The following ACAP2 variants were observed in gnomAD, a reference collection of about 807,000 sequenced individuals.
The protein encoded by ACAP2 is ArfGAP with coiled-coil, ankyrin repeat and PH domains 2.
Under a neutral mutation model 115.8 loss-of-function variants are expected in ACAP2, and 39 were observed. The observed-to-expected ratio is 0.34, with a 90% CI of 0.26 to 0.44. The LOEUF (loss-of-function observed/expected upper bound fraction) is 0.44, where lower values mean the gene tolerates loss of function less well. ACAP2 is among the 20% of genes least tolerant of loss of function. The pLI is 1.00. For synonymous variants in ACAP2, 289 were observed against 315.8 expected, an observed-to-expected ratio of 0.92 and a Z score of 0.90; for missense variants, 662 against 927.6, an observed-to-expected ratio of 0.71 and a Z score of 3.72.
At chr3:195,363,869 G>A (rs1173989418) in intron 4 of ACAP2, among the ~76,000 whole-genome samples, 1 of 152,148 alleles carries the variant, frequency 6.6e-6, no homozygotes, top group Non-Finnish European at 1.5e-5. Context: ...AACAGGGAAA[G>A]GGCAGTCTGT....
chr3:195,306,488 G>A (rs1728429146), intron 13 of ACAP2, 23 bp downstream of exon 13: 1 of 1,503,898 alleles, frequency 6.6e-7, no homozygotes, highest in Non-Finnish European at 9.1e-7. Flanking sequence ...ATATTATCTG[G>A]TATTGCTAAT....
chr3:195,287,706 C>A (rs1195991858), intron 21 of ACAP2, among the ~76,000 whole-genome samples: 3 of 152,154 alleles, frequency 2.0e-5, no homozygotes. Context: ...ATGCAACTAT[C>A]CTGCCTACAG....
chr3:195,425,136 T>G (rs1183129594), intron 1 of ACAP2, among the ~76,000 whole-genome samples: 5 of 151,522 alleles, frequency 3.3e-5, no homozygotes, highest in Non-Finnish European at 5.9e-5. Context: ...TAGTTAAGTG[T>G]GTCAAAATGT....
intron 2 of ACAP2, among the ~76,000 whole-genome samples, chr3:195,383,960 T>C (rs751152411): frequency 5.3e-5 from 8 of 152,172 alleles, no homozygotes; most frequent in Non-Finnish European, 1.2e-4. Context: ...ATGAAAAAGT[T>C]TGATAACATG....
chr3:195,424,239 T>TG (rs1338377450), intron 1 of ACAP2, among the ~76,000 whole-genome samples: 90 of 101,290 alleles, frequency 8.9e-4, no homozygotes, highest in East Asian at 7.1e-3. Flanking sequence ...TGTGTGTGTG[T>TG]GTGTGGTGTG....
intron 1 of ACAP2, among the ~76,000 whole-genome samples, chr3:195,440,401 C>G (rs1188855200): frequency 6.6e-6 from 1 of 152,176 alleles, no homozygotes; most frequent in African/African-American, 2.4e-5. Flanking sequence ...AAAGCTTGAA[C>G]AGTGGTGAAA....
At chr3:195,331,022 G>T (rs889231858) in intron 8 of ACAP2, among the ~76,000 whole-genome samples, 3 of 152,132 alleles carry the variant, frequency 2.0e-5, no homozygotes, top group Non-Finnish European at 4.4e-5. Context: ...TTACATAAGA[G>T]AAATAAAACT....
intron 13 of ACAP2, among the ~76,000 whole-genome samples, chr3:195,305,073 T>A (rs1728334342): frequency 6.6e-6 from 1 of 152,140 alleles, no homozygotes; most frequent in South Asian, 2.1e-4. Context: ...ATGGTTAAGA[T>A]CCACAGCTCT....
chr3:195,286,851 T>C lies in ACAP2; in HGVS notation c.2175-994A>G, dbSNP rs73206672. On this transcript the variant is annotated intron_variant, in intron 21 of 22. Transcript: ENST00000326793. Reference sequence around the variant, plus strand: ...GGAAGGGTCCACTGCTATATAGGTATTGCCTGGGAAGCTGCCTGCAGAGCT... The same window carrying C: ...GGAAGGGTCCACTGCTATATAGGTACTGCCTGGGAAGCTGCCTGCAGAGCT... Among the ~76,000 whole-genome samples the C allele has an allele frequency of 5.2e-3, 794 of 152,370 alleles. 8 individuals are homozygous for C. The highest frequency in any genetic ancestry group is 0.019 in the South Asian group (91 of 4,832).
At chr3:195,331,730 A>T (rs1396069661) in intron 8 of ACAP2, among the ~76,000 whole-genome samples, 3 of 152,222 alleles carry the variant, frequency 2.0e-5, no homozygotes, top group Non-Finnish European at 4.4e-5. Context: ...TCAATAAAAA[A>T]CAATGTCCCC....
intron 18 of ACAP2, among the ~76,000 whole-genome samples, chr3:195,293,871 C>T (rs527942229): frequency 1.5e-4 from 23 of 151,990 alleles, no homozygotes; most frequent in African/African-American, 4.8e-4. Context: ...CGGTGGCTCG[C>T]GCCTGCAATC....
At chr3:195,305,097 C>T (rs1728335548) in intron 13 of ACAP2, among the ~76,000 whole-genome samples, 5 of 151,668 alleles carry the variant, frequency 3.3e-5, no homozygotes, top group South Asian at 2.1e-4. Context: ...ACTGATTCCA[C>T]GAAAAAAGAA....
chr3:195,274,819 C>G lies in ACAP2; in HGVS notation c.*4509G>C, dbSNP rs767420997. 1.3e-5 allele frequency: 2 copies of G among 152,552 alleles called. No homozygotes were observed. The highest frequency in any genetic ancestry group is 2.9e-5 in the Non-Finnish European group (2 of 68,012). 9.4% of individuals were successfully genotyped at this position (152,552 alleles called of 1,614,324 possible). A position where few individuals can be genotyped will look rare whatever the true frequency, so the allele number is the denominator to read the frequency against. On this transcript the variant is annotated 3_prime_UTR_variant, in exon 23 of 23. Transcript: ENST00000326793. ...AAATTACTTAAGTATATTTACAATT[C>G]TTACATAATGTACATTTTAGAAGAT...
chr3:195,344,168 T>A (rs1731049271), intron 5 of ACAP2, among the ~76,000 whole-genome samples: 1 of 152,152 alleles, frequency 6.6e-6, no homozygotes. Flanking sequence ...CAGTGAGTTA[T>A]TATCAAGCCA....
At chr3:195,404,660 T>A (rs1436736015) in intron 1 of ACAP2, among the ~76,000 whole-genome samples, 1 of 150,354 alleles carries the variant, frequency 6.7e-6, no homozygotes, top group Non-Finnish European at 1.5e-5. Context: ...TTGCCATATA[T>A]ACACACACAC....
chr3:195,327,511 T>A (rs1729871208), intron 8 of ACAP2, among the ~76,000 whole-genome samples: 1 of 151,948 alleles, frequency 6.6e-6, no homozygotes, highest in African/African-American at 2.4e-5. Flanking sequence ...GAAGAAAAAA[T>A]AATTCATGAG....
At chr3:195,396,251 C>CA (rs1295015825) in intron 1 of ACAP2, among the ~76,000 whole-genome samples, 19 of 146,260 alleles carry the variant, frequency 1.3e-4, no homozygotes, top group East Asian at 2.0e-4. Context: ...AACTCCATCT[C>CA]AAAAAAAAAC....
At chr3:195,279,604 G>T in intron 22 of ACAP2, 176 bp from the exon 23 acceptor site, 2 of 330,244 alleles carry the variant, frequency 6.1e-6, no homozygotes, top group Non-Finnish European at 5.3e-6. Flanking sequence ...TGCAATGAAA[G>T]AAAAAAAAAA....
chr3:195,410,749 G>A (rs1713191509), intron 1 of ACAP2: 2 of 153,374 alleles, frequency 1.3e-5, no homozygotes, highest in Admixed American at 6.5e-5. Context: ...AATTCATGTT[G>A]AAACTTGATC....
Sources: gnomAD v4.1 joint callset for allele counts (sites outside exome capture counted in the v4.1 genomes callset) on GRCh38, gnomAD v4.1.1 for gene constraint, MANE v1.5 for transcripts, NCBI Gene and HGNC (gene_info 2026-07-23, HGNC 2026-07-21) for gene names.